The following GIGYF1 variants were observed in gnomAD, a reference collection of about 807,000 sequenced individuals.
GIGYF1 encodes the protein GRB10 interacting GYF protein 1, also known as GRB10-interacting GYF protein 1.
GIGYF1 carries 84 observed loss-of-function variants against 147.1 expected under a neutral mutation model. That is an observed-to-expected ratio of 0.57 (90% CI 0.48 to 0.68). The LOEUF is 0.68. Ranked by LOEUF, GIGYF1 falls within the 30% of genes least tolerant of loss-of-function variation. The pLI is 0.00. For synonymous variants in GIGYF1, 752 were observed against 589.5 expected (o/e 1.28, Z -3.99); for missense variants, 1,485 against 1,393.7 (o/e 1.07, Z -1.04).
intron 1 of GIGYF1, among the ~76,000 whole-genome samples, chr7:100,690,454 C>T (rs1038371640): frequency 6.6e-6 from 1 of 152,110 alleles, no homozygotes; most frequent in Non-Finnish European, 1.5e-5. Context: ...AACAAGACCA[C>T]GACTCTACAG....
At position 100,688,124 on chromosome 7, in the gene GIGYF1, A is replaced by C; in HGVS notation, c.36-14T>G. The C allele has an allele frequency of 6.2e-7, 1 of 1,605,210 alleles. No homozygotes were observed. Among genetic ancestry groups the C allele is most frequent in the Non-Finnish European group, 8.5e-7 (1 of 1,174,490 alleles). On this transcript the variant is annotated splice_polypyrimidine_tract_variant and intron_variant, in intron 4 of 26. Coordinates refer to ENST00000678049, the MANE Select transcript of GIGYF1 (RefSeq NM_001375765.1). ...AGGGCCCTGAGCCTGGACACAACAC[A>C]GAGAGAAGAAGACAGAGGTCAGGGC...
rs187808350 is a variant in GIGYF1 at position 100,684,198 on chromosome 7, C to T, written c.1730+39G>A. On this transcript the variant is annotated intron_variant, in intron 17 of 26. Coordinates refer to ENST00000678049, the MANE Select transcript of GIGYF1 (RefSeq NM_001375765.1). Reference sequence around the variant, plus strand: ...TGGAGATGGTGGGCCACAGAGCCAGCGCCGGGCCTTCTCCCAGCCCACCCC... The same window carrying T: ...TGGAGATGGTGGGCCACAGAGCCAGTGCCGGGCCTTCTCCCAGCCCACCCC... The T allele has an allele frequency of 1.4e-3, 2,299 of 1,609,356 alleles. 5 individuals are homozygous for T. Among genetic ancestry groups the T allele is most frequent in the Admixed American group, 0.013 (793 of 59,908 alleles).
rs1448778265 is a variant in GIGYF1, at chr7:100,688,113, G to A, written c.36-3C>T. ...CGCCCCCGGACAGGGCCCTGAGCCT[G>A]GACACAACACAGAGAGAAGAAGACA... On this transcript the variant is annotated splice_region_variant and splice_polypyrimidine_tract_variant and intron_variant, in intron 4 of 26. Coordinates refer to ENST00000678049, the MANE Select transcript of GIGYF1 (RefSeq NM_001375765.1). 6.2e-7 allele frequency: 1 copy of A among 1,607,094 alleles called. No individual in the cohort carries two copies. Among genetic ancestry groups the A allele is most frequent in the South Asian group, 1.1e-5 (1 of 90,390 alleles).
At chr7:100,689,611 G>C (rs1805667520) in intron 1 of GIGYF1, 56 bp from the exon 2 acceptor site, 1 of 152,482 alleles carries the variant, frequency 6.6e-6, no homozygotes, top group Non-Finnish European at 1.5e-5. Context: ...AAGGCCATCA[G>C]CCCCAGCTGA....
rs768569502 is a variant in GIGYF1, at chr7:100,684,137, G to A, written c.1751C>T (p.Ala584Val). The A allele has an allele frequency of 6.4e-5, 103 of 1,608,766 alleles. No individual in the cohort carries two copies. Among genetic ancestry groups the A allele is most frequent in the Non-Finnish European group, 8.1e-5 (96 of 1,179,712 alleles). Residue 584 changes from alanine to valine, a missense_variant, in exon 18 of 27, where the codon GCG becomes GTG. Transcript: ENST00000678049. ...LVSSRQLPQCALREKAALGDL... is the reference protein window; with the variant it reads ...LVSSRQLPQCVLREKAALGDL... The stretch of plus-strand genomic sequence containing the variant: ...CCCCAGAGCTGCCTTTTCTCGGAGC[G>A]CGCACTGTGGGAGCTGGCGGCTGCA...
In GIGYF1 at chr7:100,680,685, T is replaced by C. The variant is rs948425746; in HGVS notation, c.*1034A>G. ...CAACCCTAAGCCCAAAGCCACCCAC[T>C]CCTTGCCTTTGAGGCCCCTCCTCCT... is the stretch of plus-strand genomic sequence containing the variant. On this transcript the variant is annotated 3_prime_UTR_variant, in exon 27 of 27. Coordinates refer to ENST00000678049, the MANE Select transcript of GIGYF1 (RefSeq NM_001375765.1). The C allele has an allele frequency of 4.6e-5, 7 of 152,576 alleles. No homozygotes were observed. Among genetic ancestry groups the C allele is most frequent in the Non-Finnish European group, 7.3e-5 (5 of 68,156 alleles). 9.5% of individuals were successfully genotyped at this position (152,576 alleles called of 1,614,324 possible).
At chr7:100,685,933 C>G (rs927464774) in intron 12 of GIGYF1, 41 bp downstream of exon 12, 1 of 1,552,466 alleles carries the variant, frequency 6.4e-7, no homozygotes, top group African/African-American at 1.4e-5. Flanking sequence ...CCAGTGCCTG[C>G]CCGGCCCAGC....
In GIGYF1 at chr7:100,684,287, C is replaced by T. The variant is rs753349705; in HGVS notation, c.1680G>A (p.Ala560=). 22 of 1,605,876 alleles carry T rather than the reference C, an allele frequency of 1.4e-5. No individual in the cohort carries two copies. The African/African-American group carries it at 1.9e-4, about 14-fold the overall frequency. The part of the protein sequence containing the change: ...RLKKQQELAA[A]ALYQQLQHQQ... ...GGTGCTGCAGCTGCTGGTACAAGGC[C>T]GCCGCGGCCAGCTCCTGTTGCTTCT... is the stretch of plus-strand genomic sequence containing the variant. Residue 560 remains alanine (A), a synonymous_variant, in exon 17 of 27, where the codon GCG becomes GCA. Transcript: ENST00000678049.
chr7:100,684,847 C>G lies in GIGYF1; in HGVS notation c.1338G>C (p.Glu446Asp). 1 of 1,605,984 alleles carries G rather than the reference C, an allele frequency of 6.2e-7. No homozygotes were observed. Among genetic ancestry groups the G allele is most frequent in the Non-Finnish European group, 8.5e-7 (1 of 1,175,630 alleles). Residue 446 changes from glutamate to aspartate, a missense_variant, in exon 15 of 27, where the codon GAG becomes GAC. Physicochemically the swap from Glu to Asp is conservative, Grantham distance 45 (BLOSUM62 2). Transcript: ENST00000678049. ...VASLQDSSLE[E>D]EQFTAAMQTQ... ...TCTGCATGGCAGCCGTGAACTGCTC[C>G]TCCTCCAAGGAGCTGTCCTGCAGGG...
Position 100,680,714 on chromosome 7 carries a change from C to A in GIGYF1, c.*1005G>T, listed in dbSNP as rs1804664243. The A allele has an allele frequency of 1.3e-5, 2 of 152,784 alleles. No homozygotes were observed. The highest frequency in any genetic ancestry group is 4.8e-5 in the African/African-American group (2 of 41,454). The allele number at this position is 152,784 out of a possible 1,614,324, so 9.5% of individuals were successfully genotyped here. ...TGCCTTTGAGGCCCCTCCTCCTGCC[C>A]CCTTCACTGGAGAAACAGCTCAGCC... is the stretch of plus-strand genomic sequence containing the variant. On this transcript the variant is annotated 3_prime_UTR_variant, in exon 27 of 27. Coordinates refer to ENST00000678049, the MANE Select transcript of GIGYF1 (RefSeq NM_001375765.1).
rs148226928 is a variant in GIGYF1 at position 100,687,332 on chromosome 7, G to T, written c.448C>A (p.Arg150=). Residue 150 remains arginine (R), a synonymous_variant, in exon 8 of 27, where the codon CGG becomes AGG. Transcript: ENST00000678049. The part of the protein sequence containing the change: ...EGDGAFGRSP[R]EIQRSQSWDD... ...CAGCTCTGGCTGCGCTGGATTTCCC[G>T]GGGGCTTCGTCCAAAGGCCCCATCG... 1.9e-6 allele frequency: 3 copies of T among 1,612,854 alleles called. No individual in the cohort carries two copies. The highest frequency in any genetic ancestry group is 2.7e-5 in the African/African-American group (2 of 74,878).
chr7:100,683,064 T>G lies in GIGYF1; in HGVS notation c.2360A>C (p.Lys787Thr). The change falls in exon 22 of 27, where the codon AAA becomes ACA. Residue 787 changes from lysine to threonine, a missense_variant. Lys to Thr is a moderately conservative substitution (Grantham distance 78, BLOSUM62 -1). Transcript: ENST00000678049. ...AGCTGGCTCCCGAGGTGGGGGCTGT[T>G]TGTGCAGCTGCCGCTCGCCCTCCAG... Reference protein sequence around the residue: ...LQLEGERQLHKQPPPREPARA... With the variant: ...LQLEGERQLHTQPPPREPARA... 1 of 1,578,694 alleles carries G rather than the reference T, an allele frequency of 6.3e-7. No individual in the cohort carries two copies. The highest frequency in any genetic ancestry group is 1.3e-5 in the African/African-American group (1 of 74,582).
rs1332983456 is a variant in GIGYF1, at chr7:100,687,398, G to C, written c.382C>G (p.Arg128Gly). ...RGSTRSRGRGRGDSCFYQRSI... is the reference protein window; with the variant it reads ...RGSTRSRGRGGGDSCFYQRSI... Reference sequence around the variant, plus strand: ...CTTTGGTAAAAGCAGCTGTCACCACGGCCGCGGCCTAGAGAAGAGGCCAGA... The same window carrying C: ...CTTTGGTAAAAGCAGCTGTCACCACCGCCGCGGCCTAGAGAAGAGGCCAGA... Residue 128 changes from arginine to glycine, a missense_variant, in exon 8 of 27, where the codon CGT (arginine) becomes GGT (glycine). Physicochemically the swap from Arg to Gly is moderately radical, Grantham distance 125 (BLOSUM62 -2). Transcript: ENST00000678049. 1 of 1,613,354 alleles carries C rather than the reference G, an allele frequency of 6.2e-7. No homozygotes were observed. The highest frequency in any genetic ancestry group is 1.7e-5 in the Admixed American group (1 of 60,024).
At position 100,684,080 on chromosome 7, in the gene GIGYF1, TGTGGCGGCGGCG is replaced by T. The variant is rs778954965; in HGVS notation, c.1796_1807del (p.Pro599_Pro602del). On this transcript the variant is annotated inframe_deletion, in exon 18 of 27. Coordinates refer to ENST00000678049, the MANE Select transcript of GIGYF1 (RefSeq NM_001375765.1). Reference sequence around the variant, plus strand: ...TGCCGTGAGCTGCTGCTGCTGCTGCTGTGGCGGCGGCGGTGGTGGCGGTGTCAGGTCCCCCAG... The same window carrying T: ...TGCCGTGAGCTGCTGCTGCTGCTGCTGTGGTGGCGGTGTCAGGTCCCCCAG... 2 of 1,606,002 alleles carry T rather than the reference TGTGGCGGCGGCG, an allele frequency of 1.2e-6. No homozygotes were observed. The highest frequency in any genetic ancestry group is 1.7e-6 in the Non-Finnish European group (2 of 1,179,184).
chr7:100,686,787 G>A lies in GIGYF1; in HGVS notation c.556C>T (p.Pro186Ser), dbSNP rs919240987. The change falls in exon 10 of 27, where the codon CCA becomes TCA. Residue 186 changes from proline to serine, a missense_variant. Physicochemically the swap from Pro to Ser is moderately conservative, Grantham distance 74 (BLOSUM62 -1). Coordinates refer to ENST00000678049, the MANE Select transcript of GIGYF1 (RefSeq NM_001375765.1). Reference protein sequence around the residue: ...RCGFEEGGAGPRKEHARSDSE... With the variant: ...RCGFEEGGAGSRKEHARSDSE... ...TCTGAGCGGGCGTGCTCCTTCCTTG[G>A]GCCAGCCCCTCCCTCCTCAAAGCCA... 3.7e-6 allele frequency: 6 copies of A among 1,613,866 alleles called. No homozygotes were observed. The highest frequency in any genetic ancestry group is 1.3e-5 in the African/African-American group (1 of 74,902).
chr7:100,684,100 C>A lies in GIGYF1; in HGVS notation c.1788G>T (p.Pro596=). 3 of 1,607,028 alleles carry A rather than the reference C, an allele frequency of 1.9e-6. No homozygotes were observed. The highest frequency in any genetic ancestry group is 2.5e-6 in the Non-Finnish European group (3 of 1,179,624). ...GCTGCTGTGGCGGCGGCGGTGGTGG[C>A]GGTGTCAGGTCCCCCAGAGCTGCCT... ...REKAALGDLT[P]PPPPPPQQQQ... is the part of the protein sequence containing the mutation. Residue 596 remains proline (P), a synonymous_variant, in exon 18 of 27, where the codon CCG becomes CCT. Coordinates refer to ENST00000678049, the MANE Select transcript of GIGYF1 (RefSeq NM_001375765.1).
Position 100,681,935 on chromosome 7 carries a change from T to C in GIGYF1, c.2984A>G (p.Lys995Arg), listed in dbSNP as rs776111173. ...QTAFQANHST[K>R]LGPGEGSKAK... is the part of the protein sequence containing the mutation. ...CTTGCTGCCCTCCCCGGGGCCGAGT[T>C]TGGTGCTGTGGTTGGCCTGGAAGGC... The change falls in exon 26 of 27, where the codon AAA becomes AGA. Residue 995 changes from lysine to arginine, a missense_variant. Physicochemically the swap from Lys to Arg is conservative, Grantham distance 26 (BLOSUM62 2). Coordinates refer to ENST00000678049, the MANE Select transcript of GIGYF1 (RefSeq NM_001375765.1). The C allele has an allele frequency of 2.0e-5, 32 of 1,610,122 alleles. No homozygotes were observed. The highest frequency in any genetic ancestry group is 2.4e-5 in the Non-Finnish European group (28 of 1,179,944).
chr7:100,685,844 C>G, intron 12 of GIGYF1, 130 bp downstream of exon 12: 1 of 734,054 alleles, frequency 1.4e-6, no homozygotes, highest in South Asian at 1.7e-5. Context: ...CTCCCCACCT[C>G]TCAGCACTCT....
rs544524644 is a variant in GIGYF1, at chr7:100,680,044, T to G, written c.*1675A>C. 6.6e-6 allele frequency: 1 copy of G among 152,018 alleles called. No homozygotes were observed. Among genetic ancestry groups the G allele is most frequent in the African/African-American group, 2.4e-5 (1 of 41,256 alleles). 9.4% of individuals were successfully genotyped at this position (152,018 alleles called of 1,614,324 possible). A position where few individuals can be genotyped will look rare whatever the true frequency, so the allele number is the denominator to read the frequency against. ...CCCGGCCCGTCACCCCTTATTGCTT[T>G]AGAGAGAATATTGTCTTTTCAGGGA... is the stretch of plus-strand genomic sequence containing the variant. On this transcript the variant is annotated 3_prime_UTR_variant, in exon 27 of 27. Transcript: ENST00000678049.
Sources: allele counts gnomAD v4.1 joint callset (sites outside exome capture counted in the v4.1 genomes callset), GRCh38; gene constraint gnomAD v4.1.1; transcripts MANE v1.5; gene names NCBI Gene and HGNC (gene_info 2026-07-23, HGNC 2026-07-21).